The following CELF4 variants were observed in gnomAD, a reference collection of about 807,000 sequenced individuals.
CELF4 encodes the protein CUGBP Elav-like family member 4.
Under a neutral mutation model 59.9 loss-of-function variants are expected in CELF4, and 18 were observed. That is an observed-to-expected ratio of 0.30 (90% CI 0.21 to 0.45). CELF4 has a LOEUF of 0.45. CELF4 is among the 20% of genes least tolerant of loss of function. The pLI, the probability that CELF4 is intolerant of heterozygous loss-of-function variation, is 1.00. For missense variants in CELF4, 456 were observed against 689.0 expected (o/e 0.66, Z 3.79); for synonymous variants, 261 against 267.1 (o/e 0.98, Z 0.22).
chr18:37,472,293 G>A (rs576961709), intron 2 of CELF4, among the ~76,000 whole-genome samples: 1 of 152,260 alleles, frequency 6.6e-6, no homozygotes. Flanking sequence ...ATTCAGCGTG[G>A]TAGGGTTTGT....
chr18:37,383,055 T>C lies in CELF4; in HGVS notation c.370-61174A>G, dbSNP rs564422331. On this transcript the variant is annotated intron_variant, in intron 2 of 12. Coordinates refer to ENST00000420428, the MANE Select transcript of CELF4 (RefSeq NM_020180.4). The stretch of plus-strand genomic sequence containing the variant: ...GTATGTATGTATGTATGTATGTATG[T>C]ATGTATTATTTTTTGTAGAGATAGG... Among the ~76,000 whole-genome samples, 44 of 134,078 alleles carry C rather than the reference T, an allele frequency of 3.3e-4. 1 individual carries two copies. Among genetic ancestry groups the C allele is most frequent in the African/African-American group, 1.1e-3 (43 of 38,012 alleles). 88.0% of individuals were successfully genotyped at this position (134,078 alleles called of 152,430 possible). A position where few individuals can be genotyped will look rare whatever the true frequency, so the allele number is the denominator to read the frequency against.
intron 3 of CELF4, among the ~76,000 whole-genome samples, chr18:37,283,930 C>CTG (rs2094442988): frequency 8.9e-4 from 1 of 1,124 alleles, no homozygotes. Flanking sequence ...CACACACACA[C>CTG]CAATACATGC....
At chr18:37,327,767 C>T (rs1348818375) in intron 2 of CELF4, among the ~76,000 whole-genome samples, 3 of 152,202 alleles carry the variant, frequency 2.0e-5, no homozygotes, top group African/African-American at 7.2e-5. Context: ...CAGAGCTGGC[C>T]TCTTGTCCAC....
chr18:37,355,832 G>C (rs1429641518), intron 2 of CELF4, among the ~76,000 whole-genome samples: 1 of 152,190 alleles, frequency 6.6e-6, no homozygotes, highest in Non-Finnish European at 1.5e-5. Context: ...GCTTCCCTGG[G>C]CTCTGTGCCA....
At position 37,476,579 on chromosome 18, in the gene CELF4, G is replaced by C. The variant is rs186595399; in HGVS notation, c.369+8946C>G. On this transcript the variant is annotated intron_variant, in intron 2 of 12. Transcript: ENST00000420428. ...GCCATTTTTTTCTATTATCACCCAG[G>C]CTTGCCCATTTTTGATGGCATGTGG... Among the ~76,000 whole-genome samples the C allele has an allele frequency of 8.0e-4, 122 of 152,252 alleles. 1 individual carries two copies. The highest frequency in any genetic ancestry group is 2.9e-3 in the African/African-American group (119 of 41,542).
intron 1 of CELF4, among the ~76,000 whole-genome samples, chr18:37,556,816 A>C (rs1379484022): frequency 6.6e-6 from 1 of 152,232 alleles, no homozygotes; most frequent in Non-Finnish European, 1.5e-5. Flanking sequence ...TGCATCATTA[A>C]ATTAGAATAA....
At chr18:37,420,556 C>G (rs545509465) in intron 2 of CELF4, among the ~76,000 whole-genome samples, 1 of 152,320 alleles carries the variant, frequency 6.6e-6, no homozygotes, top group East Asian at 1.9e-4. Flanking sequence ...TGGAGGGGCA[C>G]TCTGTCTACC....
At chr18:37,437,319 G>A (rs2099695944) in intron 2 of CELF4, among the ~76,000 whole-genome samples, 1 of 152,232 alleles carries the variant, frequency 6.6e-6, no homozygotes, top group Admixed American at 6.5e-5. Context: ...ACTGGGTGAG[G>A]ATGGGCAAGC....
chr18:37,456,215 T>C (rs550070099), intron 2 of CELF4, among the ~76,000 whole-genome samples: 1 of 152,132 alleles, frequency 6.6e-6, no homozygotes, highest in Non-Finnish European at 1.5e-5. Flanking sequence ...GCAGACACCC[T>C]GGTCTGGCCT....
At chr18:37,337,259 G>A (rs1323727556) in intron 2 of CELF4, among the ~76,000 whole-genome samples, 1 of 152,162 alleles carries the variant, frequency 6.6e-6, no homozygotes, top group African/African-American at 2.4e-5. Flanking sequence ...ATGTGGTGGG[G>A]AGACTGGCGA....
intron 2 of CELF4, among the ~76,000 whole-genome samples, chr18:37,391,339 G>A (rs905566399): frequency 3.3e-5 from 5 of 152,158 alleles, no homozygotes; most frequent in African/African-American, 4.8e-5. Context: ...ACCCTTGCCC[G>A]TGCCTGCAGG....
intron 2 of CELF4, among the ~76,000 whole-genome samples, chr18:37,416,864 G>T (rs2099533247): frequency 6.6e-6 from 1 of 152,154 alleles, no homozygotes; most frequent in Non-Finnish European, 1.5e-5. Context: ...CAAGACAGGT[G>T]GAAATGCTAG....
chr18:37,395,797 A>C (rs1213128692), intron 2 of CELF4, among the ~76,000 whole-genome samples: 1 of 152,182 alleles, frequency 6.6e-6, no homozygotes, highest in Non-Finnish European at 1.5e-5. Context: ...TGAGGCCCCC[A>C]CATGGCAGCC....
At chr18:37,451,799 C>T (rs1309460303) in intron 2 of CELF4, among the ~76,000 whole-genome samples, 1 of 152,222 alleles carries the variant, frequency 6.6e-6, no homozygotes, top group African/African-American at 2.4e-5. Flanking sequence ...TCACATCACC[C>T]ACTCCATCCT....
intron 10 of CELF4, among the ~76,000 whole-genome samples, chr18:37,261,736 G>GGCA (rs532472076): frequency 3.7e-3 from 559 of 152,350 alleles, no homozygotes; most frequent in Non-Finnish European, 6.5e-3. Context: ...GAGCCGCTGC[G>GGCA]GCAGCCATCC....
intron 1 of CELF4, among the ~76,000 whole-genome samples, chr18:37,520,730 G>A (rs1377455976): frequency 6.6e-6 from 1 of 152,130 alleles, no homozygotes; most frequent in Non-Finnish European, 1.5e-5. Context: ...ACATTTAGGG[G>A]ATTATCCCTT....
chr18:37,450,664 G>A (rs78245175), intron 2 of CELF4, among the ~76,000 whole-genome samples: 7,261 of 152,050 alleles, frequency 0.048, 239 homozygotes, highest in Non-Finnish European at 0.068. Flanking sequence ...TGGGGCCTCC[G>A]GGCAGCACAG....
At chr18:37,489,981 G>T (rs1799565784) in intron 1 of CELF4, among the ~76,000 whole-genome samples, 1 of 152,114 alleles carries the variant, frequency 6.6e-6, no homozygotes, top group Admixed American at 6.5e-5. Context: ...ATCCAGTGTG[G>T]CTGCTTGGAA....
rs151049854 is a variant in CELF4, at chr18:37,388,678, G to A, written c.370-66797C>T. Among the ~76,000 whole-genome samples, 24 of 152,308 alleles carry A rather than the reference G, an allele frequency of 1.6e-4. No homozygotes were observed. In the East Asian group the frequency reaches 4.3e-3, roughly 27 times the overall value. Reference sequence around the variant, plus strand: ...ATACGAGAAGTAGTTATTGCAATAAGTGCGGTGGGGAGGGAGAAGCCAAAA... The same window carrying A: ...ATACGAGAAGTAGTTATTGCAATAAATGCGGTGGGGAGGGAGAAGCCAAAA... On this transcript the variant is annotated intron_variant, in intron 2 of 12. Transcript: ENST00000420428.
Sources: allele counts gnomAD v4.1 joint callset (sites outside exome capture counted in the v4.1 genomes callset), GRCh38; gene constraint gnomAD v4.1.1; transcripts MANE v1.5; gene names NCBI Gene and HGNC (gene_info 2026-07-23, HGNC 2026-07-21).